The following MYH15 variants were observed in gnomAD, a reference collection of about 807,000 sequenced individuals.
The protein encoded by MYH15 is myosin heavy chain 15.
Under a neutral mutation model 240.5 loss-of-function variants are expected in MYH15, and 227 were observed. The observed-to-expected ratio is 0.94, with a 90% CI of 0.85 to 1.05. The LOEUF is 1.05. MYH15 is among the 50% of genes least tolerant of loss of function. MYH15 has a pLI of 0.00. For missense variants in MYH15, 2,217 were observed against 2,247.5 expected (o/e 0.99, Z 0.27); for synonymous variants, 785 against 796.7 (o/e 0.99, Z 0.25).
At chr3:108,382,074 T>C (rs183750178) in intron 40 of MYH15, among the ~76,000 whole-genome samples, 34 of 152,366 alleles carry the variant, frequency 2.2e-4, no homozygotes, top group Admixed American at 1.2e-3. Flanking sequence ...CAAAGTCGAA[T>C]GCATGGCATC....
chr3:108,423,784 T>C (rs1339798496), intron 27 of MYH15, among the ~76,000 whole-genome samples: 3 of 152,236 alleles, frequency 2.0e-5, no homozygotes, highest in Non-Finnish European at 4.4e-5. Flanking sequence ...AAACTGCCTG[T>C]GCAGATGCAC....
chr3:108,441,949 T>C (rs2082888131), intron 22 of MYH15, among the ~76,000 whole-genome samples: 1 of 152,208 alleles, frequency 6.6e-6, no homozygotes, highest in Admixed American at 6.5e-5. Context: ...GGTGACCCAT[T>C]GTTTCTGTGT....
rs775218245 is a variant in MYH15 at position 108,495,873 on chromosome 3, CT to C, written c.619-2del. 15 of 1,603,262 alleles carry C rather than the reference CT, an allele frequency of 9.4e-6. No homozygotes were observed. In the East Asian group the frequency reaches 2.0e-4, roughly 22 times the overall value. Reference sequence around the variant, plus strand: ...GCATGATTTGATCTTCTAACGCCCCCTGAGACACATGCAAGAGAAGTACAGC... The same window carrying C: ...GCATGATTTGATCTTCTAACGCCCCCGAGACACATGCAAGAGAAGTACAGC... On this transcript the variant is annotated splice_acceptor_variant, in intron 6 of 40. Coordinates refer to ENST00000693548, the MANE Select transcript of MYH15 (RefSeq NM_014981.3). LOFTEE classifies it high-confidence loss of function.
intron 25 of MYH15, 23 bp downstream of exon 25, chr3:108,437,531 A>T (rs1250835455): frequency 1.2e-6 from 2 of 1,606,484 alleles, no homozygotes; most frequent in Non-Finnish European, 1.7e-6. Context: ...CAGCAATCTC[A>T]TGTCAACAGA....
At position 108,509,992 on chromosome 3, in the gene MYH15, C is replaced by A. The variant is rs565861508; in HGVS notation, c.88+451G>T. 3.3e-5 allele frequency among the ~76,000 whole-genome samples: 5 copies of A among 152,268 alleles called. No individual in the cohort carries two copies. The South Asian group carries it at 1.0e-3, about 32-fold the overall frequency. On this transcript the variant is annotated intron_variant, in intron 1 of 40. Transcript: ENST00000693548. ...TCAAAAAATTCTGGAGAGCCAGAGACAACTTCAAAGTCTGCAGCCTTACCA... is the reference window on the plus strand; with the variant it reads ...TCAAAAAATTCTGGAGAGCCAGAGAAAACTTCAAAGTCTGCAGCCTTACCA...
intron 24 of MYH15, among the ~76,000 whole-genome samples, chr3:108,438,020 G>A (rs1947543): frequency 1 from 152,150 of 152,346 alleles, 75,977 homozygotes; most frequent in Middle Eastern, 1. Context: ...TTCACATGGC[G>A]GCTCATTTCA....
intron 38 of MYH15, 55 bp from the exon 39 acceptor site, chr3:108,384,837 T>C (rs2082369959): frequency 1.4e-6 from 2 of 1,481,472 alleles, no homozygotes; most frequent in South Asian, 1.1e-5. Flanking sequence ...GCAGTCTACG[T>C]TGGTGTAGTC....
At chr3:108,451,927 T>C (rs2082977534) in intron 21 of MYH15, among the ~76,000 whole-genome samples, 1 of 149,524 alleles carries the variant, frequency 6.7e-6, no homozygotes, top group South Asian at 2.1e-4. Flanking sequence ...AATAATTTCC[T>C]GATAAAAATG....
At chr3:108,514,537 T>G (rs2107258898), upstream of MYH15, among the ~76,000 whole-genome samples, 1 of 152,266 alleles carries the variant, frequency 6.6e-6, no homozygotes, top group African/African-American at 2.4e-5. Flanking sequence ...TACTGTGCCC[T>G]CTTGGAGTAA....
intron 28 of MYH15, 101 bp from the exon 29 acceptor site, chr3:108,417,031 C>T (rs2082640040): frequency 2.3e-6 from 2 of 866,728 alleles, no homozygotes; most frequent in Non-Finnish European, 3.7e-6. Flanking sequence ...TGACTCCTAC[C>T]CACATATTTT....
upstream of MYH15, among the ~76,000 whole-genome samples, chr3:108,512,543 T>C (rs2083529488): frequency 6.6e-6 from 1 of 152,106 alleles, no homozygotes; most frequent in South Asian, 2.1e-4. Context: ...CATTAATACA[T>C]GTGTGTACAA....
At chr3:108,424,675 G>T (rs2082712340) in intron 27 of MYH15, among the ~76,000 whole-genome samples, 1 of 152,194 alleles carries the variant, frequency 6.6e-6, no homozygotes, top group South Asian at 2.1e-4. Flanking sequence ...TTTTGAAAAT[G>T]CTTCAGTCTC....
intron 21 of MYH15, among the ~76,000 whole-genome samples, chr3:108,452,474 T>C (rs1029510365): frequency 1.3e-5 from 2 of 152,142 alleles, no homozygotes; most frequent in Non-Finnish European, 2.9e-5. Context: ...TATAATGGAA[T>C]ACTATACAGC....
upstream of MYH15, among the ~76,000 whole-genome samples, chr3:108,511,037 C>T (rs561542581): frequency 5.3e-4 from 80 of 152,114 alleles, no homozygotes; most frequent in African/African-American, 1.8e-3. Flanking sequence ...CATAATGCCA[C>T]CCTGCGCCAT....
At chr3:108,464,250 A>G (rs989424584) in intron 15 of MYH15, among the ~76,000 whole-genome samples, 2 of 152,204 alleles carry the variant, frequency 1.3e-5, no homozygotes, top group Admixed American at 6.5e-5. Flanking sequence ...ATTACTTCAC[A>G]TTGACTATTT....
At chr3:108,509,293 T>C (rs1348902930) in intron 1 of MYH15, among the ~76,000 whole-genome samples, 1 of 152,238 alleles carries the variant, frequency 6.6e-6, no homozygotes, top group African/African-American at 2.4e-5. Flanking sequence ...GTGCTGATTT[T>C]AATAAATGCA....
intron 1 of MYH15, among the ~76,000 whole-genome samples, chr3:108,525,711 G>T (rs189487481): frequency 6.6e-6 from 1 of 152,042 alleles, no homozygotes; most frequent in Non-Finnish European, 1.5e-5. Context: ...TGAAAAAAAT[G>T]TAATACATTT....
At chr3:108,550,738 A>G in the MYH15 span, 6 of 152,010 alleles carry the variant, frequency 3.9e-5, no homozygotes, top group East Asian at 7.7e-4. Context: ...TACTCTCTCT[A>G]TATTTTTATT....
At chr3:108,530,657 C>T (rs555880289), upstream of MYH15, among the ~76,000 whole-genome samples, 1 of 152,242 alleles carries the variant, frequency 6.6e-6, no homozygotes, top group Admixed American at 6.5e-5. Context: ...ATGGGTGAGG[C>T]TATGCATGTG....
Sources: allele counts gnomAD v4.1 joint callset (sites outside exome capture counted in the v4.1 genomes callset), GRCh38; gene constraint gnomAD v4.1.1; transcripts MANE v1.5; gene names NCBI Gene and HGNC (gene_info 2026-07-23, HGNC 2026-07-21).